AFF3: variants seen among roughly 807,000 people sequenced by gnomAD.
AFF3 encodes the protein AF4/FMR2 family member 3.
AFF3 carries 32 observed loss-of-function variants against 129.7 expected under a neutral mutation model. That is an observed-to-expected ratio of 0.25 (90% CI 0.19 to 0.33). AFF3 has a LOEUF of 0.33. AFF3 is among the 10% of genes least tolerant of loss of function. The pLI is 1.00. For missense variants in AFF3, 1,373 were observed against 1,592.0 expected (o/e 0.86, Z 2.34); for synonymous variants, 644 against 635.4 (o/e 1.01, Z -0.20).
At chr2:99,892,277 TAC>T (rs1693628059) in intron 7 of AFF3, among the ~76,000 whole-genome samples, 1 of 152,238 alleles carries the variant, frequency 6.6e-6, no homozygotes, top group Non-Finnish European at 1.5e-5. Context: ...TATTCATTGT[TAC>T]ATTTAGTTTT....
chr2:100,126,662 T>G (rs1336410135), intron 2 of AFF3, among the ~76,000 whole-genome samples: 2 of 152,204 alleles, frequency 1.3e-5, no homozygotes, highest in African/African-American at 4.8e-5. Context: ...GTCATAATTA[T>G]TTTTCTTTCA....
At chr2:99,827,077 G>C (rs1436728325) in intron 8 of AFF3, among the ~76,000 whole-genome samples, 1 of 152,170 alleles carries the variant, frequency 6.6e-6, no homozygotes, top group African/African-American at 2.4e-5. Context: ...AGGAAAAGCC[G>C]GCAGAGGTGT....
chr2:99,801,743 G>T (rs1685960768), intron 8 of AFF3, among the ~76,000 whole-genome samples: 1 of 152,216 alleles, frequency 6.6e-6, no homozygotes, highest in Non-Finnish European at 1.5e-5. Flanking sequence ...CTGAGCTCAT[G>T]TATTTATCTT....
chr2:100,072,344 A>C (rs1447857692), intron 4 of AFF3, among the ~76,000 whole-genome samples: 1 of 152,192 alleles, frequency 6.6e-6, no homozygotes, highest in Admixed American at 6.5e-5. Flanking sequence ...TGAGGATATG[A>C]GGTGGTACAG....
At chr2:99,601,265 G>C (rs901203941) in intron 14 of AFF3, among the ~76,000 whole-genome samples, 170 bp downstream of exon 14, 1 of 151,556 alleles carries the variant, frequency 6.6e-6, no homozygotes, top group Non-Finnish European at 1.5e-5. Context: ...ACTGTGAGGA[G>C]GGGGAAAATG....
At chr2:99,779,631 C>A (rs559671774) in intron 8 of AFF3, among the ~76,000 whole-genome samples, 2 of 152,158 alleles carry the variant, frequency 1.3e-5, no homozygotes, top group Non-Finnish European at 2.9e-5. Flanking sequence ...TCACCCGAAG[C>A]GTAAACACTG....
rs1253793110 is a variant in AFF3, at chr2:100,090,256, T to C, written c.53+14146A>G. On this transcript the variant is annotated intron_variant, in intron 4 of 24. Transcript: ENST00000672756. The stretch of plus-strand genomic sequence containing the variant: ...ACAATTTCAGATGACTTTCATGAAG[T>C]GGTTTTATAAATTGTATTGCTGTAC... Among the ~76,000 whole-genome samples the C allele has an allele frequency of 2.0e-5, 3 of 148,502 alleles. No individual in the cohort carries two copies. In the Admixed American group the frequency reaches 2.0e-4, roughly 10 times the overall value.
At chr2:99,555,246 G>GA (rs1575334302) in intron 22 of AFF3, among the ~76,000 whole-genome samples, 1 of 152,072 alleles carries the variant, frequency 6.6e-6, no homozygotes. Context: ...TTCTTAAAAG[G>GA]AAAAAAGAGC....
chr2:100,139,290 C>A (rs1193752664), intron 1 of AFF3, among the ~76,000 whole-genome samples: 3 of 152,200 alleles, frequency 2.0e-5, no homozygotes, highest in Non-Finnish European at 4.4e-5. Flanking sequence ...TACTAGTTAT[C>A]TGATTGTCAT....
intron 4 of AFF3, among the ~76,000 whole-genome samples, chr2:100,010,414 G>A (rs1259128046): frequency 6.6e-6 from 1 of 152,162 alleles, no homozygotes; most frequent in Non-Finnish European, 1.5e-5. Flanking sequence ...GCTGTCTAAG[G>A]GGTGATGCGA....
intron 12 of AFF3, among the ~76,000 whole-genome samples, chr2:99,658,152 G>A (rs1198007864): frequency 1.3e-5 from 2 of 152,222 alleles, no homozygotes; most frequent in East Asian, 1.9e-4. Flanking sequence ...AGGACAACAT[G>A]AGAGGGTGCC....
chr2:99,744,197 T>TA, intron 9 of AFF3, 57 bp from the exon 10 acceptor site: 1 of 1,495,342 alleles, frequency 6.7e-7, no homozygotes, highest in Non-Finnish European at 9.3e-7. Flanking sequence ...AAATCCAAGT[T>TA]AAACATGAGA....
intron 8 of AFF3, among the ~76,000 whole-genome samples, chr2:99,755,548 T>A (rs62150102): frequency 0.019 from 2,848 of 152,068 alleles, 34 homozygotes; most frequent in Middle Eastern, 0.031. Context: ...ATTACAGGAG[T>A]GAGTCACCGC....
At chr2:99,852,337 C>G (rs1005057563) in intron 7 of AFF3, among the ~76,000 whole-genome samples, 1 of 151,988 alleles carries the variant, frequency 6.6e-6, no homozygotes, top group African/African-American at 2.4e-5. Flanking sequence ...TCCACACAGT[C>G]GGTTTTTAGA....
chr2:99,649,391 T>C (rs1685021961), intron 13 of AFF3, among the ~76,000 whole-genome samples: 1 of 152,204 alleles, frequency 6.6e-6, no homozygotes, highest in Non-Finnish European at 1.5e-5. Context: ...AAGTTTCTTG[T>C]CTCTTGTTTC....
chr2:99,605,768 G>A (rs994401264), intron 13 of AFF3, among the ~76,000 whole-genome samples: 2 of 152,070 alleles, frequency 1.3e-5, no homozygotes, highest in Non-Finnish European at 2.9e-5. Context: ...CTGCAGCCTC[G>A]AACTCCTGGG....
intron 8 of AFF3, among the ~76,000 whole-genome samples, chr2:99,806,158 C>T (rs752917284): frequency 7.9e-5 from 12 of 152,156 alleles, no homozygotes; most frequent in African/African-American, 1.4e-4. Context: ...TTGTCAGATC[C>T]GATCAACTTG....
At chr2:99,883,771 A>G (rs1692902906) in intron 7 of AFF3, among the ~76,000 whole-genome samples, 1 of 152,250 alleles carries the variant, frequency 6.6e-6, no homozygotes, top group African/African-American at 2.4e-5. Flanking sequence ...AGGAACTAAA[A>G]TTTAACTTTA....
chr2:99,704,080 T>C (rs1377506200), intron 11 of AFF3, among the ~76,000 whole-genome samples: 1 of 152,184 alleles, frequency 6.6e-6, no homozygotes, highest in Admixed American at 6.5e-5. Context: ...ACAATTATCT[T>C]AAGTATTTCT....
Sources: gnomAD v4.1 joint callset for allele counts (sites outside exome capture counted in the v4.1 genomes callset) on GRCh38, gnomAD v4.1.1 for gene constraint, MANE v1.5 for transcripts, NCBI Gene and HGNC (gene_info 2026-07-23, HGNC 2026-07-21) for gene names.